Variants in PANX2 observed in about 807,000 individuals in gnomAD.
PANX2 encodes pannexin-2.
A neutral mutation model predicts 38.7 loss-of-function variants in PANX2; 30 were observed. The observed-to-expected ratio is 0.78, with a 90% confidence interval of 0.58 to 1.05. PANX2 has a LOEUF of 1.05. PANX2 is among the 50% of genes least tolerant of loss of function. The pLI is 0.00. For missense variants in PANX2, 880 were observed against 979.3 expected, an observed-to-expected ratio of 0.90 and a Z score of 1.35; for synonymous variants, 539 against 472.1, an observed-to-expected ratio of 1.14 and a Z score of -1.84.
At chr22:50,171,158 T>C (rs879375083) in intron 1 of PANX2, among the ~76,000 whole-genome samples, 79 of 152,212 alleles carry the variant, frequency 5.2e-4, no homozygotes, top group African/African-American at 1.7e-3. Flanking sequence ...CGTCTCTATT[T>C]TATTGTTGTT....
rs568261815 is a variant in PANX2, at chr22:50,172,444, T to G, written c.226+1488T>G. Among the ~76,000 whole-genome samples, 37 of 152,342 alleles carry G rather than the reference T, an allele frequency of 2.4e-4. No homozygotes were observed. The East Asian group carries it at 4.1e-3, about 17-fold the overall frequency. The stretch of plus-strand genomic sequence containing the variant: ...CCCTGTCTGTGTCCAAATTTCCTTT[T>G]TTTTTGAGACAGAGTCTTGGTATGT... On this transcript the variant is annotated intron_variant, in intron 1 of 2. Coordinates refer to ENST00000395842, the MANE Select transcript of PANX2 (RefSeq NM_052839.4).
rs1170809125 is a variant in PANX2 at position 50,170,745 on chromosome 22, G to A, written c.15G>A (p.Leu5=). 2.3e-6 allele frequency: 3 copies of A among 1,291,474 alleles called. No individual in the cohort carries two copies. The highest frequency in any genetic ancestry group is 3.0e-6 in the Non-Finnish European group (3 of 1,011,260). 80.0% of individuals were successfully genotyped at this position (1,291,474 alleles called of 1,614,324 possible). Reference sequence around the variant, plus strand: ...CCCCGCCCCCCATGCACCACCTCCTGGAGCAGTCGGCGGACATGGCGACCG... The same window carrying A: ...CCCCGCCCCCCATGCACCACCTCCTAGAGCAGTCGGCGGACATGGCGACCG... The part of the protein sequence containing the change: MHHL[L]EQSADMATAL... Residue 5 remains leucine, a synonymous_variant, in exon 1 of 3, where the codon CTG becomes CTA. Coordinates refer to ENST00000395842, the MANE Select transcript of PANX2 (RefSeq NM_052839.4).
At chr22:50,172,610 C>T (rs926879929) in intron 1 of PANX2, among the ~76,000 whole-genome samples, 11 of 152,194 alleles carry the variant, frequency 7.2e-5, no homozygotes, top group East Asian at 3.9e-4. Flanking sequence ...GTGCCATGTT[C>T]CCCAGGCTGG....
Position 50,177,453 on chromosome 22 carries a change from C to A in PANX2, c.741C>A (p.Thr247=). The change falls in exon 2 of 3, where the codon ACC becomes ACA. Residue 247 remains threonine, a synonymous_variant. Coordinates refer to ENST00000395842, the MANE Select transcript of PANX2 (RefSeq NM_052839.4). The part of the protein sequence containing the change: ...LSAVPISYLC[T]YYATQKQNEF... ...CCGTGCCCATCTCCTACCTGTGCAC[C>A]TACTACGCCACGCAGAAGCAGAACG... 1 of 1,608,792 alleles carries A rather than the reference C, an allele frequency of 6.2e-7. No homozygotes were observed. The highest frequency in any genetic ancestry group is 8.5e-7 in the Non-Finnish European group (1 of 1,178,222).
chr22:50,176,328 G>A (rs550317715), intron 1 of PANX2, among the ~76,000 whole-genome samples: 44 of 152,364 alleles, frequency 2.9e-4, no homozygotes, highest in African/African-American at 1.0e-3. Flanking sequence ...TCCAGCTGGT[G>A]ACATCCCCAA....
intron 1 of PANX2, among the ~76,000 whole-genome samples, chr22:50,171,464 G>T (rs116160291): frequency 6.6e-6 from 1 of 152,308 alleles, no homozygotes; most frequent in African/African-American, 2.4e-5. Flanking sequence ...GCAGGGCGAG[G>T]CCTCTCCGGG....
intron 1 of PANX2, among the ~76,000 whole-genome samples, chr22:50,175,179 G>A (rs2063655350): frequency 6.6e-6 from 1 of 152,172 alleles, no homozygotes; most frequent in South Asian, 2.1e-4. Flanking sequence ...TCCGCACAGT[G>A]GGGGCAGCTC....
chr22:50,170,755 G>C lies in PANX2; in HGVS notation c.25G>C (p.Ala9Pro). 7.5e-7 allele frequency: 1 copy of C among 1,328,908 alleles called. No individual in the cohort carries two copies. The highest frequency in any genetic ancestry group is 9.7e-7 in the Non-Finnish European group (1 of 1,030,520). 82.3% of individuals were successfully genotyped at this position (1,328,908 alleles called of 1,614,324 possible). A position where few individuals can be genotyped will look rare whatever the true frequency, so the allele number is the denominator to read the frequency against. The change falls in exon 1 of 3, where the codon GCG (alanine) becomes CCG (proline). Residue 9 changes from alanine to proline, a missense_variant. Transcript: ENST00000395842. ...CATGCACCACCTCCTGGAGCAGTCG[G>C]CGGACATGGCGACCGCGCTGCTGGC... MHHLLEQSADMATALLAGE... is the reference protein window; with the variant it reads MHHLLEQSPDMATALLAGE...
chr22:50,175,955 G>C lies in PANX2; in HGVS notation c.227-984G>C, dbSNP rs947841990. Among the ~76,000 whole-genome samples the C allele has an allele frequency of 2.0e-5, 3 of 152,374 alleles. No individual in the cohort carries two copies. The South Asian group carries it at 6.2e-4, about 32-fold the overall frequency. ...CCTGTCCCTGTTGCTTCTGGTCTGT[G>C]GGGAGGGGATTGTGCTGATGTGGGC... On this transcript the variant is annotated intron_variant, in intron 1 of 2. Coordinates refer to ENST00000395842, the MANE Select transcript of PANX2 (RefSeq NM_052839.4).
chr22:50,178,786 C>A, intron 2 of PANX2, 148 bp from the exon 3 acceptor site: 1 of 657,950 alleles, frequency 1.5e-6, no homozygotes. Flanking sequence ...CCCAGGCCAA[C>A]TGCTGTGTGC....
At chr22:50,173,392 G>T (rs1349335795) in intron 1 of PANX2, among the ~76,000 whole-genome samples, 1 of 152,266 alleles carries the variant, frequency 6.6e-6, no homozygotes, top group East Asian at 1.9e-4. Context: ...ACCCTCCCAG[G>T]AGCCTATGGG....
rs1048101945 is a variant in PANX2, at chr22:50,175,338, A to G, written c.227-1601A>G. The G allele has an allele frequency of 1.3e-5, 6 of 478,566 alleles. No homozygotes were observed. The African/African-American group carries it at 1.3e-4, about 10-fold the overall frequency. 29.6% of individuals were successfully genotyped at this position (478,566 alleles called of 1,614,324 possible). On this transcript the variant is annotated intron_variant, in intron 1 of 2. Coordinates refer to ENST00000395842, the MANE Select transcript of PANX2 (RefSeq NM_052839.4). ...GTCCAGGGTTCTGGGGCCTCTCCCC[A>G]CCCATGTTGGCCACACATGCCCAGC...
At chr22:50,175,972 G>T (rs2063659044) in intron 1 of PANX2, among the ~76,000 whole-genome samples, 1 of 152,248 alleles carries the variant, frequency 6.6e-6, no homozygotes, top group Admixed American at 6.5e-5. Flanking sequence ...GGATTGTGCT[G>T]ATGTGGGCCC....
In PANX2 at chr22:50,170,847, G is replaced by C; in HGVS notation, c.117G>C (p.Ala39=). The C allele has an allele frequency of 6.7e-7, 1 of 1,500,144 alleles. No homozygotes were observed. The highest frequency in any genetic ancestry group is 8.9e-7 in the Non-Finnish European group (1 of 1,122,204). 92.9% of individuals were successfully genotyped at this position (1,500,144 alleles called of 1,614,324 possible). A position where few individuals can be genotyped will look rare whatever the true frequency, so the allele number is the denominator to read the frequency against. The change falls in exon 1 of 3, where the codon GCG becomes GCC. Residue 39 remains alanine, a synonymous_variant. Transcript: ENST00000395842. ...ACGACAAGGCGGGCGCGCTGGCCGC[G>C]CTGCTTCTGCAGCTGAAGCTGGAGC... The part of the protein sequence containing the change: ...AQDDKAGALA[A]LLLQLKLELP...
chr22:50,175,086 CA>C (rs1378472195), intron 1 of PANX2, among the ~76,000 whole-genome samples: 1 of 152,184 alleles, frequency 6.6e-6, no homozygotes, highest in East Asian at 1.9e-4. Flanking sequence ...GTCGGAGTGG[CA>C]AGCAGGACTT....
chr22:50,178,880 G>C (rs918076515), intron 2 of PANX2, 54 bp from the exon 3 acceptor site: 52 of 1,444,976 alleles, frequency 3.6e-5, no homozygotes, highest in Non-Finnish European at 4.6e-5. Flanking sequence ...GTGGGCGCTG[G>C]GGGCGGCGCA....
At chr22:50,176,859 C>T (rs565139391) in intron 1 of PANX2, 80 bp from the exon 2 acceptor site, 6 of 1,390,728 alleles carry the variant, frequency 4.3e-6, no homozygotes, top group Non-Finnish European at 5.7e-6. Context: ...TCGGCAGGGA[C>T]GCGGTCAGGT....
Position 50,170,835 on chromosome 22 carries a change from C to T in PANX2, c.105C>T (p.Gly35=). The T allele has an allele frequency of 6.7e-7, 1 of 1,485,680 alleles. No individual in the cohort carries two copies. The highest frequency in any genetic ancestry group is 9.0e-7 in the Non-Finnish European group (1 of 1,114,676). 92.0% of individuals were successfully genotyped at this position (1,485,680 alleles called of 1,614,324 possible). A position where few individuals can be genotyped will look rare whatever the true frequency, so the allele number is the denominator to read the frequency against. ...ILPGAQDDKA[G]ALAALLLQLK... ...CGGGCGCGCAGGACGACAAGGCGGG[C>T]GCGCTGGCCGCGCTGCTTCTGCAGC... is the stretch of plus-strand genomic sequence containing the variant. The change falls in exon 1 of 3, where the codon GGC becomes GGT. Residue 35 remains glycine (G), a synonymous_variant. Coordinates refer to ENST00000395842, the MANE Select transcript of PANX2 (RefSeq NM_052839.4).
At chr22:50,178,736 G>A (rs982708118) in intron 2 of PANX2, among the ~76,000 whole-genome samples, 198 bp from the exon 3 acceptor site, 1 of 152,202 alleles carries the variant, frequency 6.6e-6, no homozygotes, top group African/African-American at 2.4e-5. Flanking sequence ...AAATTCCACC[G>A]ACGGCACTGC....
Sources: gnomAD v4.1 joint callset for allele counts (sites outside exome capture counted in the v4.1 genomes callset) on GRCh38, gnomAD v4.1.1 for gene constraint, MANE v1.5 for transcripts, NCBI Gene and HGNC (gene_info 2026-07-23, HGNC 2026-07-21) for gene names.